CRYBG1: variants seen among roughly 807,000 people sequenced by gnomAD.
CRYBG1 encodes crystallin beta-gamma domain containing 1.
Under a neutral mutation model 189.2 loss-of-function variants are expected in CRYBG1, and 139 were observed. That is an observed-to-expected ratio of 0.73 (90% CI 0.64 to 0.85). The LOEUF is 0.85. CRYBG1 is among the 40% of genes least tolerant of loss of function. The pLI, the probability that CRYBG1 is intolerant of heterozygous loss-of-function variation, is 0.00. For synonymous variants in CRYBG1, 1,023 were observed against 1,017.1 expected (o/e 1.01, Z -0.11); for missense variants, 2,611 against 2,675.8 (o/e 0.98, Z 0.53).
intron 1 of CRYBG1, among the ~76,000 whole-genome samples, chr6:106,370,834 G>C (rs1198466308): frequency 1.3e-5 from 2 of 152,040 alleles, no homozygotes; most frequent in African/African-American, 4.8e-5. Context: ...CTGACTTCCT[G>C]ATGACTATTC....
chr6:106,462,738 TGCATCAACA>T (rs1772038583), intron 2 of CRYBG1, among the ~76,000 whole-genome samples: 1 of 152,262 alleles, frequency 6.6e-6, no homozygotes, highest in Non-Finnish European at 1.5e-5. Context: ...TTTAAGATTC[TGCATCAACA>T]GCTCATAATT....
intron 1 of CRYBG1, among the ~76,000 whole-genome samples, chr6:106,382,599 A>C (rs995912876): frequency 2.0e-5 from 3 of 152,206 alleles, no homozygotes; most frequent in African/African-American, 7.2e-5. Context: ...TTGGAAGGCC[A>C]AGAATAAAAT....
At position 106,512,737 on chromosome 6, in the gene CRYBG1, C is replaced by A; in HGVS notation, c.1620C>A (p.Ser540=). 1.3e-6 allele frequency: 2 copies of A among 1,567,580 alleles called. No homozygotes were observed. The highest frequency in any genetic ancestry group is 1.4e-5 in the African/African-American group (1 of 73,940). ...GCCCCCGGGCTCCCGCCAAGGAGTC[C>A]CCACCCAAGAGGGTGCCCGATCCCA... ...ASGPRAPAKE[S]PPKRVPDPSP... Residue 540 remains serine, a synonymous_variant, in exon 3 of 22, where the codon TCC becomes TCA. Coordinates refer to ENST00000633556, the MANE Select transcript of CRYBG1 (RefSeq NM_001371242.2).
At chr6:106,488,280 A>G (rs1031098685) in intron 2 of CRYBG1, among the ~76,000 whole-genome samples, 2 of 152,118 alleles carry the variant, frequency 1.3e-5, no homozygotes, top group African/African-American at 2.4e-5. Flanking sequence ...TCAGATGCGT[A>G]TAGGTTAGGC....
intron 1 of CRYBG1, among the ~76,000 whole-genome samples, chr6:106,447,627 G>T (rs1771691535): frequency 2.7e-5 from 4 of 150,006 alleles, no homozygotes. Context: ...TTACCCTTTG[G>T]AAAAGAAAAG....
chr6:106,456,816 A>C (rs1489590534), intron 2 of CRYBG1, among the ~76,000 whole-genome samples: 1 of 152,146 alleles, frequency 6.6e-6, no homozygotes, highest in African/African-American at 2.4e-5. Context: ...TAAAATATAA[A>C]GTATTTAAGG....
intron 2 of CRYBG1, among the ~76,000 whole-genome samples, chr6:106,501,596 T>G (rs979398441): frequency 5.3e-5 from 8 of 152,268 alleles, no homozygotes; most frequent in Non-Finnish European, 2.9e-5. Context: ...TGTCATAGGC[T>G]ACTTTGTGCT....
chr6:106,410,313 C>T (rs1052474821), intron 1 of CRYBG1, among the ~76,000 whole-genome samples: 2 of 152,052 alleles, frequency 1.3e-5, no homozygotes, highest in Admixed American at 1.3e-4. Flanking sequence ...GCAAATCAAA[C>T]CCACAATGAG....
intron 1 of CRYBG1, among the ~76,000 whole-genome samples, chr6:106,394,909 A>C (rs566415205): frequency 6.7e-6 from 1 of 149,412 alleles, no homozygotes; most frequent in South Asian, 2.1e-4. Flanking sequence ...AGGCTGGAGT[A>C]CAGTGGTATA....
chr6:106,476,555 C>T (rs1231974793), intron 2 of CRYBG1, among the ~76,000 whole-genome samples: 1 of 152,096 alleles, frequency 6.6e-6, no homozygotes, highest in Non-Finnish European at 1.5e-5. Flanking sequence ...CAGCTATAGG[C>T]TTATCTATGA....
chr6:106,378,072 C>T (rs1562290641), intron 1 of CRYBG1, among the ~76,000 whole-genome samples: 1 of 152,130 alleles, frequency 6.6e-6, no homozygotes, highest in African/African-American at 2.4e-5. Context: ...TGTATGAGAG[C>T]ATGGTGAGGA....
In CRYBG1 at chr6:106,555,824, G is replaced by T; in HGVS notation, c.5642G>T (p.Gly1881Val). 6.2e-7 allele frequency: 1 copy of T among 1,614,150 alleles called. No individual in the cohort carries two copies. Among genetic ancestry groups the T allele is most frequent in the South Asian group, 1.1e-5 (1 of 91,082 alleles). Residue 1881 changes from glycine (G) to valine (V), a missense_variant, in exon 17 of 22, where the codon GGC becomes GTC. Gly to Val is a moderately radical substitution (Grantham distance 109). Around this residue, in one of 3 missense-constraint regions of CRYBG1, gnomAD observed 1,622 missense variants for 1,735.0 expected, o/e 0.93. Transcript: ENST00000633556. ...GGTAATCAATACGTGTTGGAAGAAG[G>T]CCATTATCCTTGTCTGTCTGCAATG... ...FTGNQYVLEE[G>V]HYPCLSAMGC...
intron 2 of CRYBG1, among the ~76,000 whole-genome samples, chr6:106,504,650 TTTGTGTGTGTG>T (rs1773090778): frequency 8.8e-6 from 1 of 114,284 alleles, no homozygotes; most frequent in African/African-American, 3.0e-5. Flanking sequence ...CGTGTGTGTG[TTTGTGTGTGTG>T]TATATGTGTG....
intron 1 of CRYBG1, among the ~76,000 whole-genome samples, chr6:106,398,043 A>G (rs542949388): frequency 1.3e-5 from 2 of 152,264 alleles, no homozygotes; most frequent in Admixed American, 1.3e-4. Flanking sequence ...ATGACACAAT[A>G]AGTACCTAAA....
chr6:106,434,394 A>C (rs770608445), intron 1 of CRYBG1, among the ~76,000 whole-genome samples: 3 of 152,152 alleles, frequency 2.0e-5, no homozygotes, highest in Non-Finnish European at 4.4e-5. Flanking sequence ...AACTGCATTT[A>C]AGACTGTGGG....
At chr6:106,405,045 C>G (rs1053165536) in intron 1 of CRYBG1, among the ~76,000 whole-genome samples, 1 of 152,016 alleles carries the variant, frequency 6.6e-6, no homozygotes, top group Non-Finnish European at 1.5e-5. Flanking sequence ...CTGTTCACTC[C>G]CCTGGAAAGG....
At chr6:106,499,123 T>C (rs1045546373) in intron 2 of CRYBG1, among the ~76,000 whole-genome samples, 7 of 136,620 alleles carry the variant, frequency 5.1e-5, no homozygotes, top group African/African-American at 2.0e-4. Context: ...TGTTTGTGTG[T>C]TTTTTGTTTT....
At chr6:106,552,643 A>G (rs1774434846) in intron 15 of CRYBG1, among the ~76,000 whole-genome samples, 1 of 149,998 alleles carries the variant, frequency 6.7e-6, no homozygotes, top group East Asian at 1.9e-4. Flanking sequence ...TGTTAGTTTT[A>G]CTCATTTTTA....
chr6:106,472,130 G>A (rs1010804082), intron 2 of CRYBG1, among the ~76,000 whole-genome samples: 2 of 152,120 alleles, frequency 1.3e-5, no homozygotes, highest in African/African-American at 2.4e-5. Flanking sequence ...TCTGCTTTAT[G>A]TTTTTAATCA....
Sources: gnomAD v4.1 joint callset for allele counts (sites outside exome capture counted in the v4.1 genomes callset) on GRCh38, gnomAD v4.1.1 for gene constraint, gnomAD v4.1.1 regional missense constraint, MANE v1.5 for transcripts, NCBI Gene and HGNC (gene_info 2026-07-23, HGNC 2026-07-21) for gene names.